LRRC72: variants seen among roughly 807,000 people sequenced by gnomAD.
LRRC72 encodes the protein leucine-rich repeat-containing protein 72.
Under a neutral mutation model 35.8 loss-of-function variants are expected in LRRC72, and 41 were observed. The observed-to-expected ratio is 1.15, with a 90% CI of 0.89 to 1.49. The LOEUF (loss-of-function observed/expected upper bound fraction) is 1.49, where lower values mean the gene tolerates loss of function less well. Among genes scored for constraint, LRRC72 ranks in the 40% most tolerant of loss-of-function variants. LRRC72 has a pLI of 0.00. For missense variants in LRRC72, 389 were observed against 330.7 expected (o/e 1.18, Z -1.37); for synonymous variants, 118 against 119.2 (o/e 0.99, Z 0.07).
intron 7 of LRRC72, among the ~76,000 whole-genome samples, chr7:16,572,355 A>G (rs1782961995): frequency 6.6e-6 from 1 of 152,046 alleles, no homozygotes; most frequent in Non-Finnish European, 1.5e-5. Context: ...CACAACAACA[A>G]AAAATTCCAG....
intron 5 of LRRC72, among the ~76,000 whole-genome samples, chr7:16,565,999 A>T (rs951819357): frequency 6.6e-6 from 1 of 152,216 alleles, no homozygotes; most frequent in Non-Finnish European, 1.5e-5. Flanking sequence ...TTCATTTACT[A>T]ACTTATTTAT....
chr7:16,569,005 T>C (rs1782896857), intron 7 of LRRC72, among the ~76,000 whole-genome samples: 1 of 152,242 alleles, frequency 6.6e-6, no homozygotes, highest in African/African-American at 2.4e-5. Flanking sequence ...CTTTTTATTG[T>C]GAAAATTTTC....
rs564391403 is a variant in LRRC72 at position 16,542,989 on chromosome 7, A to T, written c.234+5293A>T. 4.2e-4 allele frequency among the ~76,000 whole-genome samples: 64 copies of T among 152,328 alleles called. 1 individual carries two copies. The highest frequency in any genetic ancestry group is 1.5e-3 in the African/African-American group (63 of 41,578). On this transcript the variant is annotated intron_variant, in intron 3 of 8. Transcript: ENST00000401542. Reference sequence around the variant, plus strand: ...TACCCAAAACAGCTTCTGAGTGGTTATGGGATAAGTAAAAAAGCTAATGTG... The same window carrying T: ...TACCCAAAACAGCTTCTGAGTGGTTTTGGGATAAGTAAAAAAGCTAATGTG...
At position 16,532,519 on chromosome 7, in the gene LRRC72, T is replaced by C. The variant is rs376968463; in HGVS notation, c.115T>C (p.Cys39Arg). Residue 39 changes from cysteine to arginine, a missense_variant, in exon 2 of 9, where the codon TGT becomes CGT. Coordinates refer to ENST00000401542, the MANE Select transcript of LRRC72 (RefSeq NM_001195280.2). ...GGCAGTTGAAGATCAGCTAAAGATATGTGGCCACAGGAGGGATGCTGATGT... is the reference window on the plus strand; with the variant it reads ...GGCAGTTGAAGATCAGCTAAAGATACGTGGCCACAGGAGGGATGCTGATGT... Reference protein sequence around the residue: ...RRAVEDQLKICGHRRDADVFE... With the variant: ...RRAVEDQLKIRGHRRDADVFE... 2.8e-5 allele frequency: 44 copies of C among 1,550,060 alleles called. No homozygotes were observed. The African/African-American group carries it at 5.1e-4, about 18-fold the overall frequency.
chr7:16,530,443 ACTAATACTAATG>A (rs1188897707), intron 1 of LRRC72: 10 of 152,170 alleles, frequency 6.6e-5, no homozygotes, highest in African/African-American at 2.4e-4. Context: ...TACTCAGTCC[ACTAATACTAATG>A]CTAATCTCTT....
intron 3 of LRRC72, among the ~76,000 whole-genome samples, chr7:16,555,721 G>A (rs530174253): frequency 1.3e-5 from 2 of 152,240 alleles, no homozygotes; most frequent in East Asian, 3.9e-4. Flanking sequence ...AGAGGTTGCA[G>A]TGAGCTGAGA....
intron 5 of LRRC72, 101 bp downstream of exon 5, chr7:16,559,100 T>C (rs988297079): frequency 7.4e-6 from 5 of 677,658 alleles, no homozygotes; most frequent in Non-Finnish European, 9.6e-6. Context: ...ATGTTTATAA[T>C]TAAGATATTT....
chr7:16,529,487 C>T (rs116089627), intron 1 of LRRC72, among the ~76,000 whole-genome samples: 1,531 of 152,128 alleles, frequency 0.01, 29 homozygotes, highest in African/African-American at 0.035. Context: ...TAAGGGACCA[C>T]GAACTGTGCC....
At position 16,527,143 on chromosome 7, in the gene LRRC72, G is replaced by C. The variant is rs1398933976; in HGVS notation, c.90+101G>C. Reference sequence around the variant, plus strand: ...CTCCAGGCAGGTACTGAATTTGGAGGGGAATTTCAGTAGCCTGAAGACGGA... The same window carrying C: ...CTCCAGGCAGGTACTGAATTTGGAGCGGAATTTCAGTAGCCTGAAGACGGA... On this transcript the variant is annotated intron_variant, in intron 1 of 8. Transcript: ENST00000401542. 7.0e-6 allele frequency: 6 copies of C among 858,948 alleles called. No homozygotes were observed. In the East Asian group the frequency reaches 1.6e-4, roughly 23 times the overall value. The allele number at this position is 858,948 out of a possible 1,614,324, so 53.2% of individuals were successfully genotyped here.
chr7:16,570,559 C>T (rs74399939), intron 7 of LRRC72, among the ~76,000 whole-genome samples: 7,368 of 152,248 alleles, frequency 0.048, 226 homozygotes, highest in East Asian at 0.11. Flanking sequence ...TGGCTCATAC[C>T]TGTAATCCCA....
At chr7:16,550,660 T>G (rs1025899770) in intron 3 of LRRC72, among the ~76,000 whole-genome samples, 21 of 152,358 alleles carry the variant, frequency 1.4e-4, no homozygotes, top group Admixed American at 3.9e-4. Flanking sequence ...TCTAAGTCAC[T>G]TGCTGGTATT....
At chr7:16,558,300 C>T (rs986195691) in intron 4 of LRRC72, among the ~76,000 whole-genome samples, 4 of 152,070 alleles carry the variant, frequency 2.6e-5, no homozygotes, top group Non-Finnish European at 4.4e-5. Context: ...CAAACAAAAT[C>T]ATTGCTACAT....
rs186658572 is a variant in LRRC72, at chr7:16,573,293, A to G, written c.670+5750A>G. 2.6e-4 allele frequency among the ~76,000 whole-genome samples: 40 copies of G among 152,244 alleles called. No individual in the cohort carries two copies. The East Asian group carries it at 7.1e-3, about 27-fold the overall frequency. ...CCATTGACTTTCTTCACAGAATTGG[A>G]AAAAAACTACTTTAAATTTCATATG... On this transcript the variant is annotated intron_variant, in intron 7 of 8. Transcript: ENST00000401542.
chr7:16,539,554 G>A (rs532052), intron 3 of LRRC72, among the ~76,000 whole-genome samples: 2,982 of 152,306 alleles, frequency 0.02, 84 homozygotes, highest in African/African-American at 0.066. Context: ...CAAGCCAGCC[G>A]CAGAAATTTG....
intron 7 of LRRC72, among the ~76,000 whole-genome samples, chr7:16,578,029 A>G (rs1156456014): frequency 6.6e-6 from 1 of 152,222 alleles, no homozygotes; most frequent in African/African-American, 2.4e-5. Flanking sequence ...TCTCCCCTAC[A>G]GAAGTGCTTG....
chr7:16,564,057 A>G (rs1782786327), intron 5 of LRRC72, among the ~76,000 whole-genome samples: 1 of 152,242 alleles, frequency 6.6e-6, no homozygotes, highest in African/African-American at 2.4e-5. Flanking sequence ...AATGAAATGG[A>G]TAGTAATGTC....
intron 3 of LRRC72, among the ~76,000 whole-genome samples, chr7:16,554,745 T>A (rs1170119999): frequency 2.0e-5 from 3 of 152,168 alleles, no homozygotes; most frequent in Admixed American, 6.5e-5. Flanking sequence ...AATCCTATAA[T>A]CCCTATGATC....
chr7:16,552,707 G>C (rs889631159), intron 3 of LRRC72, among the ~76,000 whole-genome samples: 7 of 152,216 alleles, frequency 4.6e-5, no homozygotes, highest in Non-Finnish European at 1.0e-4. Context: ...AGCTCAGTTA[G>C]AGCAACTGTC....
intron 5 of LRRC72, among the ~76,000 whole-genome samples, chr7:16,565,615 G>A (rs906639785): frequency 6.6e-6 from 1 of 152,166 alleles, no homozygotes; most frequent in Non-Finnish European, 1.5e-5. Context: ...GGGATATGAT[G>A]TCAAAAGTGC....
Sources: gnomAD v4.1 joint callset for allele counts (sites outside exome capture counted in the v4.1 genomes callset) on GRCh38, gnomAD v4.1.1 for gene constraint, MANE v1.5 for transcripts, NCBI Gene and HGNC (gene_info 2026-07-23, HGNC 2026-07-21) for gene names.